The following CELF4 variants were observed in gnomAD, a reference collection of about 807,000 sequenced individuals.
The protein encoded by CELF4 is CUGBP Elav-like family member 4, also known as CUG-BP- and ETR-3-like factor 4.
A neutral mutation model predicts 59.9 loss-of-function variants in CELF4; 18 were observed. That is an observed-to-expected ratio of 0.30 (90% confidence interval 0.21 to 0.45). The LOEUF (loss-of-function observed/expected upper bound fraction) is 0.45, where lower values mean the gene tolerates loss of function less well. Among genes scored for constraint, CELF4 ranks in the 20% least tolerant of loss-of-function variants. The pLI, the probability that CELF4 is intolerant of heterozygous loss-of-function variation, is 1.00. For missense variants in CELF4, 456 were observed against 689.0 expected (o/e 0.66, Z 3.79); for synonymous variants, 261 against 267.1 (o/e 0.98, Z 0.22).
At chr18:37,484,253 A>T (rs573501379) in intron 2 of CELF4, among the ~76,000 whole-genome samples, 1 of 152,362 alleles carries the variant, frequency 6.6e-6, no homozygotes, top group East Asian at 1.9e-4. Context: ...GCCTTTGATT[A>T]TCCTACAATA....
chr18:37,563,283 C>A (rs890947698), intron 1 of CELF4, among the ~76,000 whole-genome samples: 1 of 151,926 alleles, frequency 6.6e-6, no homozygotes, highest in Non-Finnish European at 1.5e-5. Context: ...AATGAAGAAG[C>A]AAATAAAGTG....
intron 2 of CELF4, among the ~76,000 whole-genome samples, chr18:37,468,334 A>AGGCT (rs1481672262): frequency 1.3e-5 from 2 of 152,142 alleles, no homozygotes; most frequent in African/African-American, 2.4e-5. Flanking sequence ...CTGGCCTCAG[A>AGGCT]GGCCTAGCCT....
intron 3 of CELF4, chr18:37,276,335 A>G (rs2093256690): frequency 6.6e-6 from 1 of 152,212 alleles, no homozygotes; most frequent in African/African-American, 2.4e-5. Context: ...CACTCCTCTC[A>G]CTGAGAGTCC....
intron 2 of CELF4, among the ~76,000 whole-genome samples, chr18:37,391,914 T>A (rs1330359538): frequency 6.6e-6 from 1 of 151,908 alleles, no homozygotes; most frequent in African/African-American, 2.4e-5. Context: ...AGCTGCGGAG[T>A]TTCGCCTGTC....
rs1305787718 is a variant in CELF4 at position 37,254,254 on chromosome 18, C to A, written c.1334-316G>T. Among the ~76,000 whole-genome samples, 1 of 151,610 alleles carries A rather than the reference C, an allele frequency of 6.6e-6. No individual in the cohort carries two copies. The highest frequency in any genetic ancestry group is 1.9e-4 in the East Asian group (1 of 5,154). On this transcript the variant is annotated intron_variant, in intron 11 of 12. Transcript: ENST00000420428. This position sits in a 1 kb window ranked among gnomAD's most constrained non-coding sequence, Gnocchi z 5.1. Reference sequence around the variant, plus strand: ...GGGAGAGGCGCCCGCCCCCCACCCCCGCCGGCCCCGGCACCTCAGCCCTCG... The same window carrying A: ...GGGAGAGGCGCCCGCCCCCCACCCCAGCCGGCCCCGGCACCTCAGCCCTCG...
At chr18:37,368,485 C>T (rs1165073674) in intron 2 of CELF4, among the ~76,000 whole-genome samples, 3 of 152,168 alleles carry the variant, frequency 2.0e-5, no homozygotes, top group African/African-American at 7.2e-5. Flanking sequence ...TCCTGGCTGG[C>T]CTCCCCTCCC....
At chr18:37,353,869 G>C (rs901265184) in intron 2 of CELF4, among the ~76,000 whole-genome samples, 1 of 150,080 alleles carries the variant, frequency 6.7e-6, no homozygotes, top group African/African-American at 2.5e-5. Context: ...CCATCCTCCT[G>C]CCTCAGCCTC....
At chr18:37,345,857 A>C (rs1199916302) in intron 2 of CELF4, among the ~76,000 whole-genome samples, 1 of 152,066 alleles carries the variant, frequency 6.6e-6, no homozygotes, top group Admixed American at 6.5e-5. Flanking sequence ...TAGCACTCCC[A>C]AAACCACCCA....
chr18:37,284,814 C>G (rs908025489), intron 3 of CELF4, among the ~76,000 whole-genome samples: 1 of 152,184 alleles, frequency 6.6e-6, no homozygotes, highest in South Asian at 2.1e-4. Flanking sequence ...TTGATTATTT[C>G]CACTGTTCAG....
rs5824051 is a variant in CELF4 at position 37,343,329 on chromosome 18, CTGTGTGTG to C, written c.370-21456_370-21449del. ...ATTGTGTTGAGAATGGGTGTTGATTCTGTGTGTGTGTGTGTGTGTGTGTGTGTGTGTGT... is the reference window on the plus strand; with the variant it reads ...ATTGTGTTGAGAATGGGTGTTGATTCTGTGTGTGTGTGTGTGTGTGTGTGT... On this transcript the variant is annotated intron_variant, in intron 2 of 12. Coordinates refer to ENST00000420428, the MANE Select transcript of CELF4 (RefSeq NM_020180.4). Among the ~76,000 whole-genome samples, 591 of 127,046 alleles carry C rather than the reference CTGTGTGTG, an allele frequency of 4.7e-3. 5 individuals are homozygous for C. Among genetic ancestry groups the C allele is most frequent in the African/African-American group, 8.9e-3 (295 of 33,214 alleles). The allele number at this position is 127,046 out of a possible 152,430, so 83.3% of individuals were successfully genotyped here.
chr18:37,388,432 C>G (rs983268978), intron 2 of CELF4, among the ~76,000 whole-genome samples: 5 of 151,544 alleles, frequency 3.3e-5, no homozygotes, highest in Non-Finnish European at 7.4e-5. Context: ...CCTTTCCCCC[C>G]TCCTTCTCTC....
intron 2 of CELF4, among the ~76,000 whole-genome samples, chr18:37,388,222 C>G (rs538790876): frequency 6.6e-6 from 1 of 152,248 alleles, no homozygotes; most frequent in East Asian, 1.9e-4. Context: ...CTCAGCACAT[C>G]TGTCAGGCTT....
chr18:37,303,532 G>T (rs1160116805), intron 3 of CELF4, among the ~76,000 whole-genome samples: 1 of 152,206 alleles, frequency 6.6e-6, no homozygotes, highest in Non-Finnish European at 1.5e-5. Context: ...GACCAAATGA[G>T]AATCGGGGAG....
intron 2 of CELF4, among the ~76,000 whole-genome samples, chr18:37,387,071 G>A (rs1380063106): frequency 6.6e-6 from 1 of 152,232 alleles, no homozygotes; most frequent in Non-Finnish European, 1.5e-5. Flanking sequence ...AGCCCCGGCT[G>A]GCCTCAGTGG....
chr18:37,310,333 G>T (rs1028849395), intron 3 of CELF4, among the ~76,000 whole-genome samples: 1 of 152,208 alleles, frequency 6.6e-6, no homozygotes, highest in Admixed American at 6.5e-5. Flanking sequence ...CAGTTCAGCA[G>T]GCCTAGACGA....
chr18:37,260,314 G>C (rs2154301895), intron 10 of CELF4, among the ~76,000 whole-genome samples: 1 of 152,286 alleles, frequency 6.6e-6, no homozygotes, highest in Non-Finnish European at 1.5e-5. Context: ...TTTTGAAATA[G>C]TCAAAATGCT....
rs58947703 is a variant in CELF4, at chr18:37,244,162, A to ATT, written c.*1078_*1079dup. On this transcript the variant is annotated 3_prime_UTR_variant, in exon 13 of 13. Coordinates refer to ENST00000420428, the MANE Select transcript of CELF4 (RefSeq NM_020180.4). ...CTATAGGTTTTTTTTTTCCTTTTTTATTTTTTTTTTTTATTTTTTGCTTTC... is the reference window on the plus strand; with the variant it reads ...CTATAGGTTTTTTTTTTCCTTTTTTATTTTTTTTTTTTTTATTTTTTGCTTTC... The ATT allele has an allele frequency of 2.4e-3, 344 of 144,742 alleles. 1 individual carries two copies. The highest frequency in any genetic ancestry group is 5.2e-3 in the South Asian group (24 of 4,618). 9.0% of individuals were successfully genotyped at this position (144,742 alleles called of 1,614,324 possible).
chr18:37,447,386 C>T (rs1458232498), intron 2 of CELF4, among the ~76,000 whole-genome samples: 1 of 152,242 alleles, frequency 6.6e-6, no homozygotes, highest in African/African-American at 2.4e-5. Context: ...ACAGACACTG[C>T]ACAGGGAAGG....
intron 2 of CELF4, among the ~76,000 whole-genome samples, chr18:37,362,481 C>A (rs575314826): frequency 2.0e-5 from 3 of 152,018 alleles, no homozygotes; most frequent in African/African-American, 4.8e-5. Context: ...CAAAGCGGGA[C>A]GAGGACAGGG....
Sources: allele counts gnomAD v4.1 joint callset (sites outside exome capture counted in the v4.1 genomes callset), GRCh38; gene constraint gnomAD v4.1.1; non-coding constraint Gnocchi (gnomAD v3.1); transcripts MANE v1.5; gene names NCBI Gene and HGNC (gene_info 2026-07-23, HGNC 2026-07-21).